Variants in TTN observed in about 807,000 individuals in gnomAD.
TTN encodes titin, also known as connectin.
A neutral mutation model predicts 3,223.0 loss-of-function variants in TTN; 1,525 were observed. The ratio of observed to expected loss-of-function variants is 0.47; its 90% CI spans 0.45 to 0.49. TTN has a LOEUF of 0.49. Ranked by LOEUF, TTN falls within the 20% of genes least tolerant of loss-of-function variation. The pLI is 0.00. For synonymous variants in TTN, 14,094 were observed against 15,161.0 expected (o/e 0.93, Z 5.17); for missense variants, 40,786 against 43,424.0 (o/e 0.94, Z 5.40).
rs751216891 is a variant in TTN at position 178,604,176 on chromosome 2, C to T, written c.54511G>A (p.Gly18171Arg). 3.1e-6 allele frequency: 5 copies of T among 1,612,156 alleles called. No homozygotes were observed. Among genetic ancestry groups the T allele is most frequent in the Non-Finnish European group, 4.2e-6 (5 of 1,178,902 alleles). Residue 18171 changes from glycine (G) to arginine (R), a missense_variant, in exon 282 of 363, where the codon GGA (glycine) becomes AGA (arginine). By Grantham distance (125) the Gly-to-Arg change is moderately radical (BLOSUM62 -2). Coordinates refer to ENST00000589042, the MANE Select transcript of TTN (RefSeq NM_001267550.2). ...QDPYRLPGPPGKPKVLARTKG... is the reference protein window; with the variant it reads ...QDPYRLPGPPRKPKVLARTKG... ...GTGCGTGCCAAAACTTTTGGTTTTC[C>T]TGGAGGTCCAGGAAGGCGATAAGGA...
In TTN at chr2:178,590,778, T is replaced by G. The variant is rs554673070; in HGVS notation, c.60947A>C (p.Lys20316Thr). ...AGGTGTTTTGTTGACCCTCACCCAT[T>G]TGCCAGTTACTTCTCGACGTTCCAT... ...YYMERREVTGKWVRVNKTPIA... is the reference protein window; with the variant it reads ...YYMERREVTGTWVRVNKTPIA... The change falls in exon 304 of 363, where the codon AAA (lysine) becomes ACA (threonine). Residue 20316 changes from lysine (K) to threonine (T), a missense_variant. By Grantham distance (78) the Lys-to-Thr change is moderately conservative. Coordinates refer to ENST00000589042, the MANE Select transcript of TTN (RefSeq NM_001267550.2). 3 of 1,607,144 alleles carry G rather than the reference T, an allele frequency of 1.9e-6. No homozygotes were observed. In the African/African-American group the frequency reaches 4.0e-5, roughly 21 times the overall value.
chr2:178,634,584 G>A lies in TTN; in HGVS notation c.42197C>T (p.Pro14066Leu). Residue 14066 changes from proline to leucine, a missense_variant, in exon 230 of 363, where the codon CCA becomes CTA. By Grantham distance (98) the Pro-to-Leu change is moderately conservative. Transcript: ENST00000589042. The surrounding 1 kb of genome is among the most constrained non-coding windows in gnomAD (Gnocchi z 4.6). ...FAVPLKDVTV[P>L]ERRQARFECV... ...TTCGAATCGAGCCTGTCGCCTTTCT[G>A]GAACAGTGACATCCTTCAGGGGCAC... 6.2e-7 allele frequency: 1 copy of A among 1,613,220 alleles called. No individual in the cohort carries two copies.
At chr2:178,624,837 G>T in intron 241 of TTN, 106 bp from the exon 242 acceptor site, 1 of 1,329,782 alleles carries the variant, frequency 7.5e-7, no homozygotes, top group Non-Finnish European at 1.0e-6. Context: ...TCTGTCCTAA[G>T]TTTTATTTTC....
chr2:178,700,365 C>T (rs994114802), intron 111 of TTN, among the ~76,000 whole-genome samples: 1 of 152,196 alleles, frequency 6.6e-6, no homozygotes, highest in Non-Finnish European at 1.5e-5. Flanking sequence ...TAAGGGCCTA[C>T]CATTTCCACC....
Position 178,586,611 on chromosome 2 carries a change from G to A in TTN, c.64290C>T (p.Gly21430=), listed in dbSNP as rs2049037653. The stretch of plus-strand genomic sequence containing the variant: ...ATTTGTATTTCTTTCCTTCCTTTAG[G>A]CCAGTGACAACAAGGCTCAGATCTT... ...VVKDLSLVVT[G]LKEGKKYKFR... The change falls in exon 308 of 363, where the codon GGC becomes GGT. Residue 21430 remains glycine, a synonymous_variant. Coordinates refer to ENST00000589042, the MANE Select transcript of TTN (RefSeq NM_001267550.2). 1 of 1,612,944 alleles carries A rather than the reference G, an allele frequency of 6.2e-7. No homozygotes were observed. The highest frequency in any genetic ancestry group is 1.7e-5 in the Admixed American group (1 of 59,946).
At chr2:178,749,006 T>G in intron 47 of TTN, 1 of 1,612,504 alleles carries the variant, frequency 6.2e-7, no homozygotes, top group South Asian at 1.1e-5. Context: ...TACATGTAAT[T>G]TTTCAAATTC....
In TTN at chr2:178,608,635, G is replaced by T; in HGVS notation, c.52376C>A (p.Ser17459Ter). ...NRFGPGPPCV[S>*]KPLVAKDPFG... is the part of the protein sequence containing the mutation. ...TGGATCTTTAGCCACAAGTGGCTTT[G>T]AAACACATGGTGGACCTGGCCCAAA... Residue 17459 changes from serine (S) to a stop codon, truncating the protein, a stop_gained, in exon 274 of 363, where the codon TCA becomes TAA. Transcript: ENST00000589042. LOFTEE classifies it high-confidence loss of function. 6.2e-7 allele frequency: 1 copy of T among 1,611,442 alleles called. No homozygotes were observed. Among genetic ancestry groups the T allele is most frequent in the Non-Finnish European group, 8.5e-7 (1 of 1,178,780 alleles).
Position 178,704,881 on chromosome 2 carries a change from G to A in TTN, c.29690C>T (p.Thr9897Ile), listed in dbSNP as rs933913351. Residue 9897 changes from threonine to isoleucine, a missense_variant, in exon 104 of 363, where the codon ACA (threonine) becomes ATA (isoleucine). Thr to Ile is a moderately conservative substitution (Grantham distance 89, BLOSUM62 -1). Transcript: ENST00000589042. ...VSFIQQRLSQ[T>I]EPVTLIKDIE... is the part of the protein sequence containing the mutation. ...TATCAACATAATTCTTTTTACCTCTGTCTGTGACAGTCTTTGCTGAATAAA... is the reference window on the plus strand; with the variant it reads ...TATCAACATAATTCTTTTTACCTCTATCTGTGACAGTCTTTGCTGAATAAA... 1 of 1,613,096 alleles carries A rather than the reference G, an allele frequency of 6.2e-7. No individual in the cohort carries two copies. Among genetic ancestry groups the A allele is most frequent in the Non-Finnish European group, 8.5e-7 (1 of 1,179,726 alleles).
intron 343 of TTN, 56 bp downstream of exon 343, chr2:178,545,764 C>G (rs1416949775): frequency 1.9e-6 from 3 of 1,597,968 alleles, no homozygotes; most frequent in Non-Finnish European, 2.6e-6. Context: ...TCTCCCTTCT[C>G]CCCCTGATTC....
Position 178,615,690 on chromosome 2 carries a change from A to C in TTN, c.48411T>G (p.Pro16137=). 6.2e-7 allele frequency: 1 copy of C among 1,612,604 alleles called. No homozygotes were observed. Among genetic ancestry groups the C allele is most frequent in the Non-Finnish European group, 8.5e-7 (1 of 1,178,990 alleles). Residue 16137 remains proline (P), a synonymous_variant, in exon 258 of 363, where the codon CCT becomes CCG. Transcript: ENST00000589042. The part of the protein sequence containing the change: ...FKVCARNKCG[P]GEPAYVDEPV... Reference sequence around the variant, plus strand: ...GTTCATCAACATATGCAGGTTCTCCAGGGCCACATTTGTTACGAGCACAAA... The same window carrying C: ...GTTCATCAACATATGCAGGTTCTCCCGGGCCACATTTGTTACGAGCACAAA...
At chr2:178,747,184 T>A (rs1560980917) in intron 47 of TTN, 6 of 1,609,550 alleles carry the variant, frequency 3.7e-6, no homozygotes, top group Non-Finnish European at 5.1e-6. Context: ...GTGTGGAGTA[T>A]CTCTCTAGAG....
rs1458174674 is a variant in TTN at position 178,728,752 on chromosome 2, T to G, written c.19174A>C (p.Lys6392Gln). The G allele has an allele frequency of 6.2e-7, 1 of 1,602,944 alleles. No homozygotes were observed. The highest frequency in any genetic ancestry group is 1.3e-5 in the African/African-American group (1 of 74,734). Residue 6392 changes from lysine (K) to glutamine (Q), a missense_variant, in exon 66 of 363, where the codon AAA becomes CAA. Coordinates refer to ENST00000589042, the MANE Select transcript of TTN (RefSeq NM_001267550.2). ...QEPAQIVEKA[K>Q]SVDVTEKDPM... The stretch of plus-strand genomic sequence containing the variant: ...TCTTTCTCCGTAACATCAACTGATT[T>G]AGCTTTCTCTACGATTTGAGCTGGT...
intron 46 of TTN, among the ~76,000 whole-genome samples, chr2:178,755,523 C>A (rs2086683544): frequency 6.6e-6 from 1 of 152,154 alleles, no homozygotes; most frequent in African/African-American, 2.4e-5. Context: ...GCAACCTCTG[C>A]CTCCTGGGTT....
Position 178,776,823 on chromosome 2 carries a change from G to T in TTN, c.5041C>A (p.His1681Asn). ...CATTGCTCTTGGCCATATCGCAAAT[G>T]GAGGGGCTCCAGTTCTGGGGCTGCA... ...EIAAPELEPL[H>N]LRYGQEQWEE... Residue 1681 changes from histidine (H) to asparagine (N), a missense_variant, in exon 28 of 363, where the codon CAT becomes AAT. By Grantham distance (68) the His-to-Asn change is moderately conservative (BLOSUM62 1). Coordinates refer to ENST00000589042, the MANE Select transcript of TTN (RefSeq NM_001267550.2). 1 of 1,614,116 alleles carries T rather than the reference G, an allele frequency of 6.2e-7. No individual in the cohort carries two copies.
Position 178,557,027 on chromosome 2 carries a change from T to A in TTN, c.88127A>T (p.Asp29376Val). 6.2e-7 allele frequency: 1 copy of A among 1,613,796 alleles called. No individual in the cohort carries two copies. The highest frequency in any genetic ancestry group is 1.7e-5 in the Admixed American group (1 of 60,018). The change falls in exon 330 of 363, where the codon GAC becomes GTC. Residue 29376 changes from aspartate (D) to valine (V), a missense_variant. Physicochemically the swap from Asp to Val is radical, Grantham distance 152. Coordinates refer to ENST00000589042, the MANE Select transcript of TTN (RefSeq NM_001267550.2). ...KITGYIVERR[D>V]LPDGRWTKAS... ...CTTGGTCCATCTGCCATCTGGAAGG[T>A]CACGTCTCTCAACAATGTAGCCTGT...
chr2:178,775,385 G>T lies in TTN; in HGVS notation c.6479C>A (p.Thr2160Asn). The stretch of plus-strand genomic sequence containing the variant: ...GACAAGTAAGAATGCGTGACTGGAG[G>T]TTTCTCCAGCTATGTTGATGGCTTT... The part of the protein sequence containing the change: ...MVKAINIAGE[T>N]SSHAFLLVQA... The change falls in exon 28 of 363, where the codon ACC becomes AAC. Residue 2160 changes from threonine to asparagine, a missense_variant. By Grantham distance (65) the Thr-to-Asn change is moderately conservative (BLOSUM62 0). Coordinates refer to ENST00000589042, the MANE Select transcript of TTN (RefSeq NM_001267550.2). 6.2e-7 allele frequency: 1 copy of T among 1,614,042 alleles called. No homozygotes were observed. The highest frequency in any genetic ancestry group is 8.5e-7 in the Non-Finnish European group (1 of 1,180,004).
At position 178,591,437 on chromosome 2, in the gene TTN, G is replaced by A; in HGVS notation, c.60288C>T (p.Val20096=). The A allele has an allele frequency of 6.2e-7, 1 of 1,604,820 alleles. No individual in the cohort carries two copies. Among genetic ancestry groups the A allele is most frequent in the Non-Finnish European group, 8.5e-7 (1 of 1,175,996 alleles). Residue 20096 remains valine (V), a synonymous_variant, in exon 304 of 363, where the codon GTC becomes GTT. Coordinates refer to ENST00000589042, the MANE Select transcript of TTN (RefSeq NM_001267550.2). ...CACCTCTTATAATAGCAGGGAATCT[G>A]ACTGTGGTTCCAGCCTTTACCACAA... ...EGLVVKAGTT[V]RFPAIIRGVP...
intron 47 of TTN, among the ~76,000 whole-genome samples, chr2:178,743,231 G>A (rs1054388832): frequency 2.6e-5 from 4 of 152,004 alleles, no homozygotes; most frequent in African/African-American, 9.7e-5. Context: ...AAATTCAAAT[G>A]TGCTGAAACT....
At chr2:178,763,541 C>T (rs1221286742) in intron 43 of TTN, among the ~76,000 whole-genome samples, 1 of 152,088 alleles carries the variant, frequency 6.6e-6, no homozygotes, top group African/African-American at 2.4e-5. Context: ...TTTTCAGATG[C>T]CAAATTCTAG....
Sources: gnomAD v4.1 joint callset for allele counts (sites outside exome capture counted in the v4.1 genomes callset) on GRCh38, gnomAD v4.1.1 for gene constraint, Gnocchi (gnomAD v3.1) non-coding constraint, MANE v1.5 for transcripts, NCBI Gene and HGNC (gene_info 2026-07-23, HGNC 2026-07-21) for gene names.